PCSK2: variants seen among roughly 807,000 people sequenced by gnomAD.
PCSK2 encodes neuroendocrine convertase 2.
In PCSK2, 14 loss-of-function variants were observed where a neutral mutation model predicts 69.7. That is an observed-to-expected ratio of 0.20 (90% CI 0.13 to 0.31). The LOEUF is 0.31. PCSK2 is among the 10% of genes least tolerant of loss of function. The pLI is 1.00. For missense variants in PCSK2, 544 were observed against 842.5 expected (o/e 0.65, Z 4.39); for synonymous variants, 307 against 320.7 (o/e 0.96, Z 0.46).
chr20:17,400,001 G>A (rs1266492913), intron 5 of PCSK2, among the ~76,000 whole-genome samples: 6 of 152,080 alleles, frequency 3.9e-5, no homozygotes, highest in Non-Finnish European at 7.4e-5. Flanking sequence ...GCTGGTTTAG[G>A]CCTCAAAGGC....
chr20:17,391,906 G>GGAAGGAAGGAAGGA (rs1282817841), intron 5 of PCSK2, among the ~76,000 whole-genome samples: 6 of 100,010 alleles, frequency 6.0e-5, no homozygotes, highest in Admixed American at 1.2e-4. Flanking sequence ...GAAAGAGAGA[G>GGAAGGAAGGAAGGA]AGGAAGGAAG....
At chr20:17,281,596 T>C (rs1009038042) in intron 2 of PCSK2, among the ~76,000 whole-genome samples, 1 of 152,232 alleles carries the variant, frequency 6.6e-6, no homozygotes, top group Admixed American at 6.5e-5. Flanking sequence ...TTCTAATTAA[T>C]CTGCCCACTT....
chr20:17,227,744 A>G (rs1221464050), intron 1 of PCSK2, among the ~76,000 whole-genome samples: 1 of 152,156 alleles, frequency 6.6e-6, no homozygotes, highest in Non-Finnish European at 1.5e-5. Flanking sequence ...AACACCTTTC[A>G]CAGGATGCCA....
At chr20:17,334,651 C>T (rs1990296529) in intron 2 of PCSK2, among the ~76,000 whole-genome samples, 2 of 152,052 alleles carry the variant, frequency 1.3e-5, no homozygotes, top group Non-Finnish European at 2.9e-5. Context: ...AGGAAGGGGC[C>T]ATGAGGGGTG....
At chr20:17,266,826 T>C (rs1432319477) in intron 2 of PCSK2, among the ~76,000 whole-genome samples, 2 of 152,080 alleles carry the variant, frequency 1.3e-5, no homozygotes, top group South Asian at 4.1e-4. Flanking sequence ...GCATGGGTAC[T>C]CCCTCAAAGG....
intron 2 of PCSK2, among the ~76,000 whole-genome samples, chr20:17,340,617 C>T (rs6080643): frequency 0.15 from 23,337 of 152,080 alleles, 2,269 homozygotes; most frequent in African/African-American, 0.27. Context: ...CTCCGTCTTA[C>T]GGATTTGGGC....
chr20:17,390,557 A>G (rs2031346232), intron 5 of PCSK2, among the ~76,000 whole-genome samples: 1 of 151,970 alleles, frequency 6.6e-6, no homozygotes, highest in African/African-American at 2.4e-5. Context: ...CCACCTGCTC[A>G]CCTCCCTAGG....
Position 17,409,317 on chromosome 20 carries a change from T to G in PCSK2, c.598T>G (p.Tyr200Asp). The part of the protein sequence containing the change: ...SSNDPYPYPR[Y>D]TDDWFNSHGT... Reference sequence around the variant, plus strand: ...CAACGACCCCTATCCTTACCCTCGGTACACAGATGACTGGTTTAACAGGTA... The same window carrying G: ...CAACGACCCCTATCCTTACCCTCGGGACACAGATGACTGGTTTAACAGGTA... Residue 200 changes from tyrosine (Y) to aspartate (D), a missense_variant, in exon 6 of 12, where the codon TAC becomes GAC. Tyr to Asp is a radical substitution (Grantham distance 160). Transcript: ENST00000262545. The G allele has an allele frequency of 6.2e-7, 1 of 1,613,712 alleles. No individual in the cohort carries two copies. The highest frequency in any genetic ancestry group is 8.5e-7 in the Non-Finnish European group (1 of 1,179,604).
intron 5 of PCSK2, among the ~76,000 whole-genome samples, chr20:17,403,822 T>G (rs1360965682): frequency 6.6e-6 from 1 of 152,242 alleles, no homozygotes; most frequent in Non-Finnish European, 1.5e-5. Context: ...ACAAGAAACA[T>G]CTTGTCTTCT....
intron 2 of PCSK2, among the ~76,000 whole-genome samples, chr20:17,264,252 G>A (rs1431560583): frequency 6.6e-6 from 1 of 152,080 alleles, no homozygotes; most frequent in Non-Finnish European, 1.5e-5. Context: ...AAAATAACCT[G>A]AACTTCATTT....
At chr20:17,353,356 T>C (rs1600515486) in intron 2 of PCSK2, among the ~76,000 whole-genome samples, 1 of 151,190 alleles carries the variant, frequency 6.6e-6, no homozygotes, top group Admixed American at 6.6e-5. Flanking sequence ...TCCCAGCTAC[T>C]CGGGTGGCTG....
intron 2 of PCSK2, among the ~76,000 whole-genome samples, chr20:17,347,887 AG>A (rs1568612274): frequency 5.1e-3 from 32 of 6,290 alleles, no homozygotes; most frequent in Admixed American, 0.02. Flanking sequence ...AAAGAAAGAA[AG>A]AAAGAAAGAA....
intron 2 of PCSK2, among the ~76,000 whole-genome samples, chr20:17,349,178 GGAGACCCCACAGCCA>G: frequency 6.6e-6 from 1 of 152,256 alleles, no homozygotes; most frequent in East Asian, 1.9e-4. Context: ...ACAGCTTGCT[GGAGACCCCACAGCCA>G]GAGAACAACA....
At chr20:17,361,565 G>C (rs1307496322) in intron 4 of PCSK2, among the ~76,000 whole-genome samples, 1 of 152,224 alleles carries the variant, frequency 6.6e-6, no homozygotes, top group East Asian at 1.9e-4. Context: ...AGGCTACACA[G>C]AGATGAAACA....
intron 10 of PCSK2, among the ~76,000 whole-genome samples, chr20:17,457,546 C>T (rs550009568): frequency 6.6e-6 from 1 of 152,202 alleles, no homozygotes; most frequent in African/African-American, 2.4e-5. Context: ...ACTCTTCTAA[C>T]AAAATTCAGA....
chr20:17,344,121 T>C (rs553349299), intron 2 of PCSK2, among the ~76,000 whole-genome samples: 1 of 152,370 alleles, frequency 6.6e-6, no homozygotes, highest in East Asian at 1.9e-4. Context: ...ATTACTTTTT[T>C]CATTTGTTCC....
intron 6 of PCSK2, among the ~76,000 whole-genome samples, chr20:17,425,499 C>G (rs1047778022): frequency 6.6e-6 from 1 of 152,166 alleles, no homozygotes; most frequent in Non-Finnish European, 1.5e-5. Flanking sequence ...GTTTATGTCA[C>G]TTATTATTAG....
chr20:17,401,741 A>T (rs759615538), intron 5 of PCSK2, among the ~76,000 whole-genome samples: 2 of 152,216 alleles, frequency 1.3e-5, no homozygotes, highest in Non-Finnish European at 2.9e-5. Context: ...GAATGAAGAT[A>T]CATGTTGATG....
At chr20:17,226,989 CT>C (rs2122917888), upstream of PCSK2, 1 of 202,244 alleles carries the variant, frequency 4.9e-6, no homozygotes, top group Admixed American at 5.9e-5. Context: ...GGAATTGGAG[CT>C]GAGGAGGAGC....
Sources: gnomAD v4.1 joint callset for allele counts (sites outside exome capture counted in the v4.1 genomes callset) on GRCh38, gnomAD v4.1.1 for gene constraint, MANE v1.5 for transcripts, NCBI Gene and HGNC (gene_info 2026-07-23, HGNC 2026-07-21) for gene names.